PTPRZ1: variants seen among roughly 807,000 people sequenced by gnomAD.
PTPRZ1 encodes the protein protein tyrosine phosphatase receptor type Z1.
PTPRZ1 carries 82 observed loss-of-function variants against 214.1 expected under a neutral mutation model. That is an observed-to-expected ratio of 0.38 (90% CI 0.32 to 0.46). The LOEUF is 0.46. PTPRZ1 is among the 20% of genes least tolerant of loss of function. The pLI is 1.00. For synonymous variants in PTPRZ1, 945 were observed against 987.9 expected (o/e 0.96, Z 0.81); for missense variants, 2,603 against 2,748.7 (o/e 0.95, Z 1.19).
chr7:121,921,421 T>A (rs1343338634), intron 1 of PTPRZ1, among the ~76,000 whole-genome samples: 1 of 152,148 alleles, frequency 6.6e-6, no homozygotes, highest in Admixed American at 6.5e-5. Flanking sequence ...ACTACCAAAA[T>A]AAGCATATGT....
intron 10 of PTPRZ1, among the ~76,000 whole-genome samples, chr7:122,000,895 A>C (rs1014765236): frequency 6.6e-6 from 1 of 151,484 alleles, no homozygotes; most frequent in Non-Finnish European, 1.5e-5. Context: ...CATGTGGGCC[A>C]GGCTGGTCTC....
chr7:121,942,462 A>G (rs1052429305), intron 2 of PTPRZ1, among the ~76,000 whole-genome samples: 12 of 152,212 alleles, frequency 7.9e-5, no homozygotes, highest in African/African-American at 2.9e-4. Context: ...GAGGTTTCAG[A>G]GTATATTTGG....
intron 23 of PTPRZ1, among the ~76,000 whole-genome samples, chr7:122,049,195 C>T (rs568338624): frequency 2.6e-5 from 4 of 151,906 alleles, no homozygotes; most frequent in African/African-American, 9.7e-5. Context: ...GCTTTCTTAG[C>T]CTTCTAGAAA....
chr7:122,053,811 A>G, intron 25 of PTPRZ1, 99 bp from the exon 26 acceptor site: 1 of 1,417,102 alleles, frequency 7.1e-7, no homozygotes, highest in Admixed American at 2.0e-5. Context: ...TGCAATTCAA[A>G]AGACTATTTT....
intron 13 of PTPRZ1, 29 bp downstream of exon 13, chr7:122,019,297 T>G (rs1426999179): frequency 6.3e-7 from 1 of 1,585,964 alleles, no homozygotes; most frequent in Non-Finnish European, 8.6e-7. Flanking sequence ...TTGGAAAATT[T>G]AATTCATAAA....
chr7:122,017,972 A>C (rs939797391), intron 12 of PTPRZ1, among the ~76,000 whole-genome samples: 1 of 152,072 alleles, frequency 6.6e-6, no homozygotes, highest in Non-Finnish European at 1.5e-5. Context: ...AGTTCTCTCC[A>C]ATTAGATATA....
chr7:122,010,669 C>A lies in PTPRZ1; in HGVS notation c.1623C>A (p.Gly541=). 7 of 1,613,402 alleles carry A rather than the reference C, an allele frequency of 4.3e-6. No homozygotes were observed. In the South Asian group the frequency reaches 6.6e-5, roughly 15 times the overall value. ...VEGTSASLND[G]SKTVLRSPHM... is the part of the protein sequence containing the mutation. ...GTACTTCAGCCTCTTTAAATGATGG[C>A]TCTAAAACTGTTCTTAGATCTCCAC... The change falls in exon 12 of 30, where the codon GGC becomes GGA. Residue 541 remains glycine, a synonymous_variant. Coordinates refer to ENST00000393386, the MANE Select transcript of PTPRZ1 (RefSeq NM_002851.3).
chr7:121,982,373 G>A (rs1409871540), intron 6 of PTPRZ1, among the ~76,000 whole-genome samples: 1 of 151,888 alleles, frequency 6.6e-6, no homozygotes, highest in Non-Finnish European at 1.5e-5. Flanking sequence ...ACTTTTCTTT[G>A]GATTTTTATT....
intron 2 of PTPRZ1, among the ~76,000 whole-genome samples, chr7:121,967,230 C>T (rs905149823): frequency 6.6e-6 from 1 of 151,962 alleles, no homozygotes; most frequent in Non-Finnish European, 1.5e-5. Flanking sequence ...TTATTTTAAG[C>T]AAAAATCTTT....
At chr7:121,990,134 A>G (rs932150376) in intron 8 of PTPRZ1, among the ~76,000 whole-genome samples, 2 of 152,188 alleles carry the variant, frequency 1.3e-5, no homozygotes, top group African/African-American at 4.8e-5. Flanking sequence ...TAAATATCTA[A>G]CATCCTCATT....
intron 14 of PTPRZ1, among the ~76,000 whole-genome samples, chr7:122,031,253 G>GA (rs1799362396): frequency 6.6e-6 from 1 of 152,158 alleles, no homozygotes; most frequent in South Asian, 2.1e-4. Context: ...TTTAGGTATA[G>GA]ATGGAAAAGA....
chr7:121,987,778 C>T (rs144890539), intron 8 of PTPRZ1, among the ~76,000 whole-genome samples: 2 of 152,160 alleles, frequency 1.3e-5, no homozygotes, highest in African/African-American at 4.8e-5. Flanking sequence ...TGGAATCAAC[C>T]CATGTGCTCA....
chr7:121,928,249 T>A, intron 2 of PTPRZ1, 28 bp downstream of exon 2: 1 of 1,515,498 alleles, frequency 6.6e-7, no homozygotes, highest in Non-Finnish European at 9.0e-7. Context: ...ATAATGAGAT[T>A]TAGCAGAAAC....
rs1334487289 is a variant in PTPRZ1 at position 122,012,168 on chromosome 7, T to G, written c.3122T>G (p.Leu1041Arg). The change falls in exon 12 of 30, where the codon CTT (leucine) becomes CGT (arginine). Residue 1041 changes from leucine (L) to arginine (R), a missense_variant. Leu to Arg is a moderately radical substitution (Grantham distance 102, BLOSUM62 -2). Transcript: ENST00000393386. ...TSVFGDDNKA[L>R]SKSEIIYGNE... ...GTGTTTGGTGATGATAATAAGGCGC[T>G]TTCTAAAAGTGAAATAATATATGGA... 2 of 1,613,956 alleles carry G rather than the reference T, an allele frequency of 1.2e-6. No individual in the cohort carries two copies. Among genetic ancestry groups the G allele is most frequent in the South Asian group, 2.2e-5 (2 of 91,056 alleles).
chr7:122,039,662 A>G, intron 20 of PTPRZ1, 74 bp downstream of exon 20: 1 of 1,539,392 alleles, frequency 6.5e-7, no homozygotes, highest in East Asian at 2.3e-5. Context: ...TAAGCGATAG[A>G]ACCAAGAAAG....
chr7:122,045,227 G>T (rs1440090889), intron 23 of PTPRZ1, among the ~76,000 whole-genome samples: 1 of 152,058 alleles, frequency 6.6e-6, no homozygotes, highest in Non-Finnish European at 1.5e-5. Flanking sequence ...ACAGGAATGG[G>T]GGCTATATTA....
At chr7:122,057,336 A>C (rs1269381025) in intron 27 of PTPRZ1, among the ~76,000 whole-genome samples, 2 of 151,924 alleles carry the variant, frequency 1.3e-5, no homozygotes, top group Non-Finnish European at 2.9e-5. Flanking sequence ...TCTCTTGTTG[A>C]AAATGAAGTT....
intron 1 of PTPRZ1, among the ~76,000 whole-genome samples, chr7:121,900,533 G>T (rs945089416): frequency 6.6e-6 from 1 of 152,190 alleles, no homozygotes; most frequent in Non-Finnish European, 1.5e-5. Flanking sequence ...ATATGTAAAT[G>T]ATGTACAATT....
At chr7:121,904,544 G>T (rs1246172404) in intron 1 of PTPRZ1, among the ~76,000 whole-genome samples, 5 of 152,056 alleles carry the variant, frequency 3.3e-5, no homozygotes, top group African/African-American at 9.7e-5. Flanking sequence ...TTTAATTTTT[G>T]ATCTTTTTTG....
Sources: gnomAD v4.1 joint callset for allele counts (sites outside exome capture counted in the v4.1 genomes callset) on GRCh38, gnomAD v4.1.1 for gene constraint, MANE v1.5 for transcripts, NCBI Gene and HGNC (gene_info 2026-07-23, HGNC 2026-07-21) for gene names.